Variants in DCLK1 observed in about 807,000 individuals in gnomAD.
DCLK1 encodes the protein serine/threonine-protein kinase DCLK1.
DCLK1 carries 16 observed loss-of-function variants against 86.2 expected under a neutral mutation model. The observed-to-expected ratio is 0.19, with a 90% CI of 0.13 to 0.28. DCLK1 has a LOEUF of 0.28. DCLK1 is among the 10% of genes least tolerant of loss of function. DCLK1 has a pLI of 1.00. For missense variants in DCLK1, 590 were observed against 940.2 expected (o/e 0.63, Z 4.87); for synonymous variants, 369 against 370.5 (o/e 1.00, Z 0.05).
chr13:36,075,702 A>G (rs1239603968), intron 3 of DCLK1, among the ~76,000 whole-genome samples: 1 of 152,218 alleles, frequency 6.6e-6, no homozygotes, highest in Non-Finnish European at 1.5e-5. Context: ...ATGATAGCTT[A>G]GCTACAGTGT....
chr13:35,900,482 T>G (rs1485548025), intron 4 of DCLK1, among the ~76,000 whole-genome samples: 1 of 152,172 alleles, frequency 6.6e-6, no homozygotes, highest in African/African-American at 2.4e-5. Flanking sequence ...CCTCAAGTGA[T>G]TCGCCAGCCT....
chr13:35,826,063 C>T (rs1259216920), intron 10 of DCLK1, among the ~76,000 whole-genome samples: 1 of 151,932 alleles, frequency 6.6e-6, no homozygotes, highest in Non-Finnish European at 1.5e-5. Flanking sequence ...CTGCTTTCCT[C>T]GGCCTCCCAA....
chr13:36,023,299 C>T (rs546201690), intron 3 of DCLK1, among the ~76,000 whole-genome samples: 3 of 152,272 alleles, frequency 2.0e-5, no homozygotes, highest in African/African-American at 7.2e-5. Flanking sequence ...CAGGCAGAGA[C>T]CCTAGAGAGC....
chr13:36,109,978 C>A (rs1885549921), intron 3 of DCLK1, among the ~76,000 whole-genome samples: 1 of 152,030 alleles, frequency 6.6e-6, no homozygotes. Context: ...GTCATTAAAG[C>A]CGATTTTTAG....
intron 4 of DCLK1, among the ~76,000 whole-genome samples, chr13:35,887,567 A>T (rs960816776): frequency 1.3e-5 from 2 of 152,178 alleles, no homozygotes; most frequent in Non-Finnish European, 2.9e-5. Flanking sequence ...GGAAAGACTG[A>T]TGAAGAAACG....
At chr13:35,904,769 T>C (rs1405596943) in intron 4 of DCLK1, among the ~76,000 whole-genome samples, 2 of 152,210 alleles carry the variant, frequency 1.3e-5, no homozygotes, top group Non-Finnish European at 2.9e-5. Flanking sequence ...TTAGTCTCAA[T>C]GCTTTGCTCG....
chr13:35,875,709 T>C (rs568926100), intron 4 of DCLK1, among the ~76,000 whole-genome samples: 2 of 152,342 alleles, frequency 1.3e-5, no homozygotes, highest in African/African-American at 4.8e-5. Flanking sequence ...CATTTATTAG[T>C]CCGTCTCCCC....
At chr13:35,801,502 G>C (rs1276492864) in intron 15 of DCLK1, among the ~76,000 whole-genome samples, 1 of 89,986 alleles carries the variant, frequency 1.1e-5, no homozygotes, top group Non-Finnish European at 1.9e-5. Context: ...TTACAGAAAG[G>C]GTATTTTTTT....
intron 3 of DCLK1, among the ~76,000 whole-genome samples, chr13:35,981,383 AT>A (rs1488845455): frequency 6.6e-6 from 1 of 152,000 alleles, no homozygotes; most frequent in Non-Finnish European, 1.5e-5. Flanking sequence ...AGGGATGGAG[AT>A]TTCCCATAGA....
chr13:36,034,231 C>A (rs1348989902), intron 3 of DCLK1, among the ~76,000 whole-genome samples: 1 of 152,118 alleles, frequency 6.6e-6, no homozygotes, highest in Middle Eastern at 3.4e-3. Flanking sequence ...AAAAAGAAAA[C>A]CGGAATTAAG....
chr13:35,847,626 AG>A (rs1388857265), intron 6 of DCLK1: 1 of 194,444 alleles, frequency 5.1e-6, no homozygotes, highest in Non-Finnish European at 6.0e-6. Flanking sequence ...AGCAAAAAAA[AG>A]AAAGAAAGAA....
In DCLK1 at chr13:35,817,659, TG is replaced by T. The variant is rs529917566; in HGVS notation, c.1554+5069del. ...TGCCCCAAGTGGTACATCCCTTCTC[TG>T]GGTCAACCCCAGGCCCAGACAGAAT... On this transcript the variant is annotated intron_variant, in intron 11 of 16. Coordinates refer to ENST00000360631, the MANE Select transcript of DCLK1 (RefSeq NM_001330071.2). Among the ~76,000 whole-genome samples, 3 of 152,250 alleles carry T rather than the reference TG, an allele frequency of 2.0e-5. No individual in the cohort carries two copies. The South Asian group carries it at 6.2e-4, about 32-fold the overall frequency.
At chr13:36,070,473 T>A (rs1270396966) in intron 3 of DCLK1, among the ~76,000 whole-genome samples, 1 of 152,180 alleles carries the variant, frequency 6.6e-6, no homozygotes, top group Non-Finnish European at 1.5e-5. Context: ...TCTATTAGGT[T>A]AGGTTAGATA....
At chr13:35,967,926 C>A (rs1164425457) in intron 3 of DCLK1, among the ~76,000 whole-genome samples, 1 of 151,984 alleles carries the variant, frequency 6.6e-6, no homozygotes, top group East Asian at 1.9e-4. Context: ...GAGGCTGAGG[C>A]AGGAGAATCA....
chr13:35,789,223 C>T (rs773697658), intron 16 of DCLK1, among the ~76,000 whole-genome samples: 15 of 152,138 alleles, frequency 9.9e-5, no homozygotes, highest in Non-Finnish European at 1.5e-4. Flanking sequence ...CTTTCAAGTG[C>T]GTTACTGGTA....
At chr13:35,831,375 G>A (rs2153106715) in intron 8 of DCLK1, among the ~76,000 whole-genome samples, 1 of 152,292 alleles carries the variant, frequency 6.6e-6, no homozygotes, top group Admixed American at 6.5e-5. Flanking sequence ...CCTGAAAACA[G>A]GTGTTAGGAG....
At chr13:35,802,482 T>C (rs1355727068) in intron 15 of DCLK1, among the ~76,000 whole-genome samples, 1 of 152,182 alleles carries the variant, frequency 6.6e-6, no homozygotes, top group Admixed American at 6.5e-5. Context: ...CCAGAGCTAA[T>C]ATGCAATTTG....
chr13:35,914,350 CATATATATATATATATATGTATAT>C (rs1875259841), intron 4 of DCLK1, among the ~76,000 whole-genome samples: 4 of 94,214 alleles, frequency 4.2e-5, no homozygotes, highest in South Asian at 3.4e-4. Flanking sequence ...TATATATATA[CATATATATATATATATATGTATAT>C]ATATATATAT....
intron 3 of DCLK1, among the ~76,000 whole-genome samples, chr13:35,969,020 T>C (rs567049593): frequency 1.3e-5 from 2 of 152,294 alleles, no homozygotes; most frequent in East Asian, 3.9e-4. Flanking sequence ...GGGTCTGGTG[T>C]AAAATGCTAC....
Sources: gnomAD v4.1 joint callset for allele counts (sites outside exome capture counted in the v4.1 genomes callset) on GRCh38, gnomAD v4.1.1 for gene constraint, MANE v1.5 for transcripts, NCBI Gene and HGNC (gene_info 2026-07-23, HGNC 2026-07-21) for gene names.